Variants in ADGRG6 observed in about 807,000 individuals in gnomAD.
ADGRG6 encodes the protein G-protein coupled receptor 126.
Under a neutral mutation model 142.4 loss-of-function variants are expected in ADGRG6, and 84 were observed. The observed-to-expected ratio is 0.59, with a 90% CI of 0.49 to 0.71. ADGRG6 has a LOEUF of 0.71. ADGRG6 is among the 30% of genes least tolerant of loss of function. The pLI is 0.00. For synonymous variants in ADGRG6, 521 were observed against 520.5 expected (o/e 1.00, Z -0.01); for missense variants, 1,367 against 1,466.6 (o/e 0.93, Z 1.11).
At chr6:142,420,421 C>T (rs574109922) in intron 22 of ADGRG6, among the ~76,000 whole-genome samples, 6 of 152,076 alleles carry the variant, frequency 3.9e-5, no homozygotes, top group Non-Finnish European at 5.9e-5. Context: ...GAGAACCAAA[C>T]GGGGAGTTTA....
At chr6:142,415,754 A>C in intron 19 of ADGRG6, 42 bp from the exon 20 acceptor site, 1 of 1,407,520 alleles carries the variant, frequency 7.1e-7, no homozygotes, top group Non-Finnish European at 1.0e-6. Flanking sequence ...AGATTGATAT[A>C]CAGTATTAGT....
intron 15 of ADGRG6, among the ~76,000 whole-genome samples, chr6:142,407,622 A>G (rs1347033217): frequency 6.6e-6 from 1 of 152,228 alleles, no homozygotes; most frequent in Non-Finnish European, 1.5e-5. Flanking sequence ...GCTGGCAAGT[A>G]TACAGTCAGA....
chr6:142,434,211 CCAT>C (rs1321230325), intron 22 of ADGRG6, among the ~76,000 whole-genome samples: 2 of 149,824 alleles, frequency 1.3e-5, no homozygotes, highest in Non-Finnish European at 3.0e-5. Flanking sequence ...AAATATATAA[CCAT>C]ATATTAATAT....
intron 6 of ADGRG6, among the ~76,000 whole-genome samples, chr6:142,389,918 G>A (rs528760845): frequency 6.6e-6 from 1 of 151,860 alleles, no homozygotes; most frequent in African/African-American, 2.4e-5. Flanking sequence ...CCTGTTATAA[G>A]AAGTCAAATT....
At chr6:142,303,306 A>G (rs774278327) in intron 1 of ADGRG6, among the ~76,000 whole-genome samples, 9 of 152,142 alleles carry the variant, frequency 5.9e-5, no homozygotes, top group Non-Finnish European at 1.2e-4. Context: ...CTTTCAGTTC[A>G]GTACATGGGG....
chr6:142,421,272 A>G (rs892830671), intron 22 of ADGRG6, among the ~76,000 whole-genome samples: 17 of 152,166 alleles, frequency 1.1e-4, no homozygotes, highest in African/African-American at 2.4e-4. Context: ...GGGATGGCCT[A>G]TTCCAATCTG....
intron 2 of ADGRG6, among the ~76,000 whole-genome samples, chr6:142,335,407 A>G (rs535557970): frequency 4.6e-4 from 70 of 152,320 alleles, no homozygotes; most frequent in African/African-American, 1.5e-3. Context: ...ATATAAATAG[A>G]GAATGAAAAT....
chr6:142,435,286 A>T (rs1220515571), intron 22 of ADGRG6, among the ~76,000 whole-genome samples: 2 of 152,046 alleles, frequency 1.3e-5, no homozygotes, highest in Non-Finnish European at 2.9e-5. Flanking sequence ...TGAATCAATT[A>T]CCCTTCCTGG....
chr6:142,314,971 A>AGTGTGTGTGTGTGTGTGTGT (rs58848776), intron 2 of ADGRG6, among the ~76,000 whole-genome samples: 65 of 145,084 alleles, frequency 4.5e-4, no homozygotes, highest in African/African-American at 1.4e-3. Flanking sequence ...CCAATCATGG[A>AGTGTGTGTGTGTGTGTGTGT]GTGTGTGTGT....
At chr6:142,360,251 T>C (rs1465557556) in intron 2 of ADGRG6, among the ~76,000 whole-genome samples, 2 of 152,154 alleles carry the variant, frequency 1.3e-5, no homozygotes, top group Non-Finnish European at 2.9e-5. Flanking sequence ...CTATGGGATA[T>C]CCAAGTGAAG....
chr6:142,346,423 GT>G (rs1253299669), intron 2 of ADGRG6, among the ~76,000 whole-genome samples: 1 of 152,020 alleles, frequency 6.6e-6, no homozygotes, highest in Non-Finnish European at 1.5e-5. Context: ...TCTTTCATAT[GT>G]TTTTTGGCAA....
intron 22 of ADGRG6, among the ~76,000 whole-genome samples, chr6:142,431,877 C>T (rs570791612): frequency 1.2e-4 from 19 of 152,138 alleles, no homozygotes; most frequent in Admixed American, 7.2e-4. Context: ...GAGCCAAGAT[C>T]GCACCATTGC....
chr6:142,404,038 C>T (rs570228765), intron 14 of ADGRG6, 65 bp downstream of exon 14: 2 of 1,212,604 alleles, frequency 1.6e-6, no homozygotes, highest in African/African-American at 3.0e-5. Flanking sequence ...TTGCTGATCA[C>T]TTAGCAGTTG....
chr6:142,386,627 C>T (rs1017592501), intron 6 of ADGRG6, among the ~76,000 whole-genome samples: 1 of 152,164 alleles, frequency 6.6e-6, no homozygotes, highest in African/African-American at 2.4e-5. Flanking sequence ...TTGCCGAGTG[C>T]TTTCATACTG....
intron 6 of ADGRG6, among the ~76,000 whole-genome samples, chr6:142,387,648 ATTTT>A (rs1318103353): frequency 6.6e-6 from 1 of 152,248 alleles, no homozygotes; most frequent in South Asian, 2.1e-4. Flanking sequence ...TCAAACCTGT[ATTTT>A]ACGTCCTTGA....
chr6:142,328,979 T>C (rs1778913305), intron 2 of ADGRG6, among the ~76,000 whole-genome samples: 1 of 152,150 alleles, frequency 6.6e-6, no homozygotes, highest in Non-Finnish European at 1.5e-5. Context: ...GAGATGGTAG[T>C]AGAGTATAAT....
intron 15 of ADGRG6, 86 bp from the exon 16 acceptor site, chr6:142,408,064 T>G: frequency 1.1e-6 from 1 of 914,652 alleles, no homozygotes; most frequent in Non-Finnish European, 1.6e-6. Context: ...GTGTAAAAAT[T>G]GCTGACAGTT....
At chr6:142,348,758 G>A (rs981276815) in intron 2 of ADGRG6, among the ~76,000 whole-genome samples, 1 of 152,020 alleles carries the variant, frequency 6.6e-6, no homozygotes, top group Non-Finnish European at 1.5e-5. Flanking sequence ...ATTCTACAAT[G>A]AATTAATGAA....
rs1236854451 is a variant in ADGRG6, at chr6:142,446,066, TAGAG to T, written c.*2555_*2558del. 1 of 152,630 alleles carries T rather than the reference TAGAG, an allele frequency of 6.6e-6. No homozygotes were observed. Among genetic ancestry groups the T allele is most frequent in the Non-Finnish European group, 1.5e-5 (1 of 68,034 alleles). The allele number at this position is 152,630 out of a possible 1,614,324, so 9.5% of individuals were successfully genotyped here. On this transcript the variant is annotated 3_prime_UTR_variant, in exon 25 of 25. Transcript: ENST00000367609. Reference sequence around the variant, plus strand: ...TTTGTTGTTTTAATTAACTTTCTATTAGAGAGACTGTATATATTTTTTCTAAATA... The same window carrying T: ...TTTGTTGTTTTAATTAACTTTCTATTAGACTGTATATATTTTTTCTAAATA...
Sources: gnomAD v4.1 joint callset for allele counts (sites outside exome capture counted in the v4.1 genomes callset) on GRCh38, gnomAD v4.1.1 for gene constraint, MANE v1.5 for transcripts, NCBI Gene and HGNC (gene_info 2026-07-23, HGNC 2026-07-21) for gene names.